Variants in PRKCB observed in about 807,000 individuals in gnomAD.
The protein encoded by PRKCB is protein kinase C beta type.
Under a neutral mutation model 81.5 loss-of-function variants are expected in PRKCB, and 13 were observed. The observed-to-expected ratio is 0.16, with a 90% CI of 0.10 to 0.25. The LOEUF (loss-of-function observed/expected upper bound fraction) is 0.25, where lower values mean the gene tolerates loss of function less well. PRKCB is among the 10% of genes least tolerant of loss of function. The pLI is 1.00. For missense variants in PRKCB, 509 were observed against 875.7 expected (o/e 0.58, Z 5.29); for synonymous variants, 335 against 321.4 (o/e 1.04, Z -0.45).
chr16:24,193,467 A>T (rs1221509239), intron 16 of PRKCB, among the ~76,000 whole-genome samples: 3 of 112,980 alleles, frequency 2.7e-5, no homozygotes, highest in African/African-American at 8.9e-5. Flanking sequence ...AAATAAATAA[A>T]TAAATAAATA....
At chr16:23,992,677 C>A (rs1311590390) in intron 3 of PRKCB, among the ~76,000 whole-genome samples, 1 of 152,144 alleles carries the variant, frequency 6.6e-6, no homozygotes, top group East Asian at 1.9e-4. Context: ...AGCCTTCTAG[C>A]CTGTAGTTGC....
In PRKCB at chr16:23,993,736, A is replaced by C. The variant is rs918114711; in HGVS notation, c.288+5146A>C. On this transcript the variant is annotated intron_variant, in intron 3 of 16. Transcript: ENST00000643927. ...GGCCATTTGGTGGCACTCAACTGTTAAAGGCAAGGTAGGTGCGGTTACCTT... is the reference window on the plus strand; with the variant it reads ...GGCCATTTGGTGGCACTCAACTGTTCAAGGCAAGGTAGGTGCGGTTACCTT... 9.2e-5 allele frequency among the ~76,000 whole-genome samples: 14 copies of C among 152,200 alleles called. No homozygotes were observed. In the South Asian group the frequency reaches 2.9e-3, roughly 32 times the overall value.
intron 13 of PRKCB, among the ~76,000 whole-genome samples, chr16:24,183,942 TA>T (rs1325195848): frequency 1.3e-5 from 2 of 152,212 alleles, no homozygotes; most frequent in Non-Finnish European, 2.9e-5. Flanking sequence ...TTCACAACCA[TA>T]TATACCATAT....
At chr16:24,012,454 C>T (rs1965216318) in intron 3 of PRKCB, among the ~76,000 whole-genome samples, 1 of 152,226 alleles carries the variant, frequency 6.6e-6, no homozygotes, top group Admixed American at 6.5e-5. Flanking sequence ...CCTTGTTCAA[C>T]TCCACTAACC....
At chr16:24,058,704 G>C (rs993767335) in intron 5 of PRKCB, among the ~76,000 whole-genome samples, 1 of 152,208 alleles carries the variant, frequency 6.6e-6, no homozygotes, top group Non-Finnish European at 1.5e-5. Context: ...GGTGTGTTCA[G>C]ACCATAGATT....
intron 9 of PRKCB, among the ~76,000 whole-genome samples, chr16:24,135,310 C>CTTTTTTTTTTTTT (rs33975464): frequency 8.9e-6 from 1 of 112,276 alleles, no homozygotes; most frequent in Non-Finnish European, 1.7e-5. Context: ...CTCAGTGTCC[C>CTTTTTTTTTTTTT]TTTTTTTTTT....
At chr16:23,985,489 A>T (rs910869573) in intron 2 of PRKCB, among the ~76,000 whole-genome samples, 30 of 152,380 alleles carry the variant, frequency 2.0e-4, no homozygotes, top group African/African-American at 7.2e-4. Context: ...CCCTTAGATG[A>T]TGCTAAAGGG....
intron 5 of PRKCB, among the ~76,000 whole-genome samples, chr16:24,056,844 T>C (rs1965908033): frequency 6.6e-6 from 1 of 152,166 alleles, no homozygotes; most frequent in Non-Finnish European, 1.5e-5. Flanking sequence ...CTCTTTTCTT[T>C]ATAAAGTACC....
intron 3 of PRKCB, among the ~76,000 whole-genome samples, chr16:24,015,611 C>T (rs1024455740): frequency 2.0e-5 from 3 of 152,352 alleles, no homozygotes; most frequent in Middle Eastern, 3.4e-3. Flanking sequence ...CCTGGTTACA[C>T]CCTCTAATTC....
At chr16:24,037,153 TAA>T (rs1219581637) in intron 5 of PRKCB, among the ~76,000 whole-genome samples, 1 of 152,138 alleles carries the variant, frequency 6.6e-6, no homozygotes, top group Non-Finnish European at 1.5e-5. Flanking sequence ...CACGCCTGGC[TAA>T]TATTTGTATT....
At chr16:23,934,466 T>G (rs1964030432) in intron 2 of PRKCB, among the ~76,000 whole-genome samples, 1 of 152,094 alleles carries the variant, frequency 6.6e-6, no homozygotes, top group Admixed American at 6.5e-5. Flanking sequence ...AGGAATCCTG[T>G]GGGATTGAAT....
At chr16:23,858,585 T>G (rs1428963215) in intron 2 of PRKCB, among the ~76,000 whole-genome samples, 1 of 151,288 alleles carries the variant, frequency 6.6e-6, no homozygotes, top group African/African-American at 2.4e-5. Flanking sequence ...ATGTGTAGAT[T>G]TTTTTAGCCA....
intron 5 of PRKCB, among the ~76,000 whole-genome samples, chr16:24,083,385 GAGTATATC>G (rs1966273904): frequency 6.6e-6 from 1 of 152,158 alleles, no homozygotes; most frequent in Non-Finnish European, 1.5e-5. Context: ...AAGAACCCGT[GAGTATATC>G]AGCTCTATTT....
intron 8 of PRKCB, among the ~76,000 whole-genome samples, chr16:24,122,730 A>T (rs904758342): frequency 7.3e-6 from 1 of 136,506 alleles, no homozygotes; most frequent in African/African-American, 2.6e-5. Context: ...AAAGTGTTGG[A>T]ATTGCAGGTG....
chr16:23,962,677 A>G (rs1208918733), intron 2 of PRKCB, among the ~76,000 whole-genome samples: 1 of 152,012 alleles, frequency 6.6e-6, no homozygotes, highest in Non-Finnish European at 1.5e-5. Context: ...TCACCATTGT[A>G]TCTTCAGCAG....
chr16:24,170,748 G>C (rs1464930750), intron 10 of PRKCB, among the ~76,000 whole-genome samples: 1 of 152,196 alleles, frequency 6.6e-6, no homozygotes, highest in Non-Finnish European at 1.5e-5. Flanking sequence ...AATACATCCA[G>C]CTATTAAGAG....
At chr16:23,919,703 C>T (rs1963796083) in intron 2 of PRKCB, among the ~76,000 whole-genome samples, 1 of 152,194 alleles carries the variant, frequency 6.6e-6, no homozygotes. Flanking sequence ...CACCATTCTA[C>T]TTTGTCTCTA....
chr16:23,967,679 G>C (rs1040906024), intron 2 of PRKCB, among the ~76,000 whole-genome samples: 3 of 151,484 alleles, frequency 2.0e-5, no homozygotes, highest in African/African-American at 7.3e-5. Context: ...TTGAGATAGA[G>C]TCTCATTCTG....
chr16:23,872,874 T>A (rs1881679116), intron 2 of PRKCB, among the ~76,000 whole-genome samples: 1 of 151,886 alleles, frequency 6.6e-6, no homozygotes, highest in Admixed American at 6.6e-5. Flanking sequence ...CAGGAGCAAC[T>A]GGTTAGAAAA....
Sources: allele counts gnomAD v4.1 joint callset (sites outside exome capture counted in the v4.1 genomes callset), GRCh38; gene constraint gnomAD v4.1.1; transcripts MANE v1.5; gene names NCBI Gene and HGNC (gene_info 2026-07-23, HGNC 2026-07-21).